Variants in PKNOX2 observed in about 807,000 individuals in gnomAD.
The protein encoded by PKNOX2 is PBX/knotted 1 homeobox 2, also known as homeobox protein PKNOX2.
A neutral mutation model predicts 53.1 loss-of-function variants in PKNOX2; 14 were observed. The observed-to-expected ratio is 0.26, with a 90% CI of 0.17 to 0.41. The LOEUF (loss-of-function observed/expected upper bound fraction) is 0.41, where lower values mean the gene tolerates loss of function less well. Ranked by LOEUF, PKNOX2 falls within the 10% of genes least tolerant of loss-of-function variation. The pLI, the probability that PKNOX2 is intolerant of heterozygous loss-of-function variation, is 1.00. For synonymous variants in PKNOX2, 257 were observed against 242.8 expected, an observed-to-expected ratio of 1.06 and a Z score of -0.54; for missense variants, 496 against 602.8, an observed-to-expected ratio of 0.82 and a Z score of 1.85.
chr11:125,268,618 A>T (rs1467334507), intron 2 of PKNOX2, among the ~76,000 whole-genome samples: 1 of 152,184 alleles, frequency 6.6e-6, no homozygotes, highest in East Asian at 1.9e-4. Flanking sequence ...GCTTTCAGTG[A>T]TATTATTGAA....
At chr11:125,302,160 G>A (rs1948119754) in intron 2 of PKNOX2, among the ~76,000 whole-genome samples, 1 of 152,234 alleles carries the variant, frequency 6.6e-6, no homozygotes, top group Admixed American at 6.5e-5. Flanking sequence ...TCTGGGTGGG[G>A]CCTGGAAGGA....
chr11:125,335,679 A>T (rs1591532345), intron 3 of PKNOX2, among the ~76,000 whole-genome samples: 2 of 152,184 alleles, frequency 1.3e-5, no homozygotes, highest in South Asian at 4.1e-4. Flanking sequence ...TTAGCCAGGC[A>T]TGGTGATGCA....
intron 3 of PKNOX2, among the ~76,000 whole-genome samples, chr11:125,346,815 A>G (rs1296306083): frequency 6.7e-6 from 1 of 148,756 alleles, no homozygotes; most frequent in Non-Finnish European, 1.5e-5. Flanking sequence ...AGGAGGATGG[A>G]AGGGGGGAAG....
At chr11:125,198,185 G>A (rs1002481097) in intron 1 of PKNOX2, among the ~76,000 whole-genome samples, 1 of 152,232 alleles carries the variant, frequency 6.6e-6, no homozygotes, top group Non-Finnish European at 1.5e-5. Context: ...GCAGAGGGAT[G>A]AGTTGTGTCA....
chr11:125,272,179 T>A (rs1945840273), intron 2 of PKNOX2, among the ~76,000 whole-genome samples: 1 of 152,178 alleles, frequency 6.6e-6, no homozygotes, highest in Non-Finnish European at 1.5e-5. Flanking sequence ...GTGATGACAG[T>A]CCTCCTGGCT....
intron 7 of PKNOX2, among the ~76,000 whole-genome samples, chr11:125,406,637 C>T (rs1020133475): frequency 4.0e-5 from 6 of 151,894 alleles, no homozygotes; most frequent in African/African-American, 7.3e-5. Context: ...TGTGAGCACT[C>T]GTCCTACACT....
At chr11:125,288,873 T>G (rs912673144) in intron 2 of PKNOX2, among the ~76,000 whole-genome samples, 1 of 152,218 alleles carries the variant, frequency 6.6e-6, no homozygotes, top group African/African-American at 2.4e-5. Context: ...TTGTACGTAT[T>G]TCTTAGATGG....
intron 5 of PKNOX2, among the ~76,000 whole-genome samples, chr11:125,377,406 T>C (rs1952905683): frequency 6.6e-6 from 1 of 152,160 alleles, no homozygotes; most frequent in South Asian, 2.1e-4. Flanking sequence ...ACAGAAGGCA[T>C]GTTGGCCTGG....
chr11:125,232,758 T>G (rs558590470), intron 1 of PKNOX2, among the ~76,000 whole-genome samples: 1 of 152,300 alleles, frequency 6.6e-6, no homozygotes, highest in East Asian at 1.9e-4. Flanking sequence ...TGATCACATT[T>G]AGTGAGTTTG....
chr11:125,343,755 G>A lies in PKNOX2; in HGVS notation c.-22-7529G>A, dbSNP rs112547093. Among the ~76,000 whole-genome samples the A allele has an allele frequency of 1.5e-3, 229 of 152,038 alleles. 2 individuals carry two copies. The highest frequency in any genetic ancestry group is 5.0e-3 in the African/African-American group (207 of 41,468). On this transcript the variant is annotated intron_variant, in intron 3 of 12. Coordinates refer to ENST00000298282, the MANE Select transcript of PKNOX2 (RefSeq NM_001382323.2). ...TGGGGCTCCAGCACTCTTGTTCCCGGTGTGGAGAGGCGGGAGCAAGACCAC... is the reference window on the plus strand; with the variant it reads ...TGGGGCTCCAGCACTCTTGTTCCCGATGTGGAGAGGCGGGAGCAAGACCAC...
chr11:125,249,718 T>C (rs1283083231), intron 2 of PKNOX2, among the ~76,000 whole-genome samples: 1 of 152,174 alleles, frequency 6.6e-6, no homozygotes, highest in Non-Finnish European at 1.5e-5. Flanking sequence ...AAAAAACAAC[T>C]GTATGTGCCT....
intron 2 of PKNOX2, among the ~76,000 whole-genome samples, chr11:125,269,581 C>G (rs1177654818): frequency 6.6e-6 from 1 of 152,210 alleles, no homozygotes; most frequent in East Asian, 1.9e-4. Context: ...GACTGAGGCC[C>G]TCTTGGACTC....
In PKNOX2 at chr11:125,398,078, G is replaced by T. The variant is rs373491059; in HGVS notation, c.588+16G>T. On this transcript the variant is annotated intron_variant, in intron 7 of 12. Coordinates refer to ENST00000298282, the MANE Select transcript of PKNOX2 (RefSeq NM_001382323.2). Reference sequence around the variant, plus strand: ...TCACTCACAGGTAACACCCAGAGCTGGGTCCCATCTCTTAAGCCAGGCTCC... The same window carrying T: ...TCACTCACAGGTAACACCCAGAGCTTGGTCCCATCTCTTAAGCCAGGCTCC... 3.6e-5 allele frequency: 57 copies of T among 1,598,896 alleles called. No homozygotes were observed. In the African/African-American group the frequency reaches 7.3e-4, roughly 20 times the overall value.
chr11:125,377,556 C>T (rs112566821), intron 5 of PKNOX2, among the ~76,000 whole-genome samples: 32 of 152,292 alleles, frequency 2.1e-4, no homozygotes, highest in African/African-American at 5.8e-4. Flanking sequence ...TTGCTTTCCA[C>T]GGGCTGCTGA....
intron 2 of PKNOX2, among the ~76,000 whole-genome samples, chr11:125,313,541 A>G (rs1948960937): frequency 6.6e-6 from 1 of 152,022 alleles, no homozygotes; most frequent in African/African-American, 2.4e-5. Flanking sequence ...CCACTTCTTT[A>G]CCTTGGTTTC....
At chr11:125,294,535 G>A (rs1372401018) in intron 2 of PKNOX2, among the ~76,000 whole-genome samples, 1 of 152,372 alleles carries the variant, frequency 6.6e-6, no homozygotes, top group Non-Finnish European at 1.5e-5. Context: ...ACAGGGTTGG[G>A]TGGAGAGGCG....
At chr11:125,298,983 G>A (rs1947846681) in intron 2 of PKNOX2, among the ~76,000 whole-genome samples, 1 of 152,062 alleles carries the variant, frequency 6.6e-6, no homozygotes, top group African/African-American at 2.4e-5. Context: ...AATTTATAAA[G>A]AAAGAGGTGT....
intron 2 of PKNOX2, among the ~76,000 whole-genome samples, chr11:125,295,188 G>T (rs1319770158): frequency 6.6e-6 from 1 of 152,146 alleles, no homozygotes; most frequent in Non-Finnish European, 1.5e-5. Context: ...TCTAAGGCTT[G>T]GAAACAGAGT....
At chr11:125,314,812 G>A (rs1949056040) in intron 2 of PKNOX2, among the ~76,000 whole-genome samples, 1 of 152,068 alleles carries the variant, frequency 6.6e-6, no homozygotes, top group Admixed American at 6.5e-5. Context: ...CCAGCCCCGG[G>A]GCAGCCCTGG....
Sources: gnomAD v4.1 joint callset for allele counts (sites outside exome capture counted in the v4.1 genomes callset) on GRCh38, gnomAD v4.1.1 for gene constraint, MANE v1.5 for transcripts, NCBI Gene and HGNC (gene_info 2026-07-23, HGNC 2026-07-21) for gene names.